The following ITSN1 variants were observed in gnomAD, a reference collection of about 807,000 sequenced individuals.
ITSN1 encodes intersectin 1.
A neutral mutation model predicts 239.8 loss-of-function variants in ITSN1; 58 were observed. The ratio of observed to expected loss-of-function variants is 0.24; its 90% CI spans 0.20 to 0.30. The LOEUF is 0.30. ITSN1 is among the 10% of genes least tolerant of loss of function. ITSN1 has a pLI of 1.00. For synonymous variants in ITSN1, 780 were observed against 770.8 expected (o/e 1.01, Z -0.20); for missense variants, 1,558 against 2,103.3 (o/e 0.74, Z 5.07).
intron 25 of ITSN1, among the ~76,000 whole-genome samples, chr21:33,825,977 C>T (rs1228842910): frequency 1.3e-5 from 2 of 152,092 alleles, no homozygotes; most frequent in Non-Finnish European, 1.5e-5. Context: ...AATTGGAATG[C>T]TTAATTTACT....
chr21:33,697,234 A>AT (rs11419453), intron 1 of ITSN1, among the ~76,000 whole-genome samples: 73,388 of 121,662 alleles, frequency 0.6, 23,043 homozygotes, highest in Middle Eastern at 0.71. Flanking sequence ...CACCTGGCTA[A>AT]TTTTTTTTTT....
chr21:33,759,764 A>G (rs1388619986), intron 8 of ITSN1, among the ~76,000 whole-genome samples: 2 of 152,184 alleles, frequency 1.3e-5, no homozygotes, highest in East Asian at 3.8e-4. Flanking sequence ...GCTCACTATT[A>G]ATAGTAGCCC....
intron 33 of ITSN1, among the ~76,000 whole-genome samples, chr21:33,874,156 CAAAAAAA>C (rs778588764): frequency 0.015 from 452 of 29,204 alleles, 4 homozygotes; most frequent in African/African-American, 0.042. Context: ...AACTCCGTCT[CAAAAAAA>C]AAAAAAAAAA....
intron 32 of ITSN1, among the ~76,000 whole-genome samples, chr21:33,866,619 A>G (rs1434121564): frequency 6.6e-6 from 1 of 152,116 alleles, no homozygotes; most frequent in Non-Finnish European, 1.5e-5. Flanking sequence ...GGAGACAGTT[A>G]TCAGGTCTCA....
chr21:33,798,274 T>C (rs2071716872), intron 18 of ITSN1, among the ~76,000 whole-genome samples: 2 of 151,960 alleles, frequency 1.3e-5, no homozygotes, highest in East Asian at 1.9e-4. Context: ...ATTTTTTTTT[T>C]TTTTGTAGAG....
chr21:33,812,266 A>G (rs1420988707), intron 21 of ITSN1, among the ~76,000 whole-genome samples: 1 of 152,230 alleles, frequency 6.6e-6, no homozygotes, highest in Non-Finnish European at 1.5e-5. Flanking sequence ...ATAGAAGACT[A>G]ATACCATATT....
chr21:33,666,255 A>G (rs1377529784), intron 1 of ITSN1, among the ~76,000 whole-genome samples: 4 of 152,184 alleles, frequency 2.6e-5, no homozygotes, highest in Non-Finnish European at 4.4e-5. Flanking sequence ...TATATGAAAT[A>G]CCCAGAATAG....
Position 33,896,283 on chromosome 21 carries a change from G to A in ITSN1, c.*7983G>A, listed in dbSNP as rs1986778078. 1 of 152,280 alleles carries A rather than the reference G, an allele frequency of 6.6e-6. No individual in the cohort carries two copies. The highest frequency in any genetic ancestry group is 1.5e-5 in the Non-Finnish European group (1 of 68,068). The allele number at this position is 152,280 out of a possible 1,614,324, so 9.4% of individuals were successfully genotyped here. On this transcript the variant is annotated 3_prime_UTR_variant, in exon 40 of 40. Coordinates refer to ENST00000381318, the MANE Select transcript of ITSN1 (RefSeq NM_003024.3). ...GCCACAGGGCGTCAAGCAGCTGTGA[G>A]CCTTTACCATTGAGCTCACTGCTTG... is the stretch of plus-strand genomic sequence containing the variant.
At chr21:33,861,160 G>A (rs574111886) in intron 31 of ITSN1, among the ~76,000 whole-genome samples, 1 of 152,302 alleles carries the variant, frequency 6.6e-6, no homozygotes, top group South Asian at 2.1e-4. Flanking sequence ...TGAAAGAATT[G>A]TAGAGTGAAC....
At chr21:33,658,886 T>G (rs939531705) in intron 1 of ITSN1, among the ~76,000 whole-genome samples, 9 of 152,334 alleles carry the variant, frequency 5.9e-5, no homozygotes, top group Non-Finnish European at 1.0e-4. Context: ...TGGAATTTCC[T>G]GAGTGGTGGG....
intron 10 of ITSN1, 34 bp from the exon 11 acceptor site, chr21:33,767,679 G>A (rs375683794): frequency 9.4e-6 from 12 of 1,273,272 alleles, no homozygotes; most frequent in Middle Eastern, 1.8e-4. Context: ...ACAGCTCTGT[G>A]TGAATCTATT....
chr21:33,684,986 A>G (rs1247216735), intron 1 of ITSN1, among the ~76,000 whole-genome samples: 4 of 152,194 alleles, frequency 2.6e-5, no homozygotes, highest in African/African-American at 7.2e-5. Context: ...AACATCTACA[A>G]AAGAAAGGAG....
chr21:33,690,999 C>T (rs1442893385), intron 1 of ITSN1, among the ~76,000 whole-genome samples: 2 of 151,288 alleles, frequency 1.3e-5, no homozygotes, highest in Non-Finnish European at 2.9e-5. Context: ...ACCTGGAAAG[C>T]AGCTGTGTGA....
chr21:33,878,809 A>G (rs1386164862), intron 34 of ITSN1, among the ~76,000 whole-genome samples: 1 of 152,250 alleles, frequency 6.6e-6, no homozygotes. Context: ...GTAACCACCC[A>G]TGTGCCACGG....
intron 1 of ITSN1, among the ~76,000 whole-genome samples, chr21:33,700,859 C>T (rs2091975379): frequency 6.6e-6 from 1 of 151,956 alleles, no homozygotes; most frequent in South Asian, 2.1e-4. Flanking sequence ...GTCTCTAGGT[C>T]ATTAAGCCTA....
chr21:33,672,952 C>G (rs2090384099), intron 1 of ITSN1, among the ~76,000 whole-genome samples: 1 of 152,126 alleles, frequency 6.6e-6, no homozygotes, highest in East Asian at 1.9e-4. Flanking sequence ...CCTCGTGATC[C>G]ACCTGCCTCG....
chr21:33,769,781 C>T (rs180718814), intron 11 of ITSN1, among the ~76,000 whole-genome samples: 6 of 151,812 alleles, frequency 4.0e-5, no homozygotes, highest in Non-Finnish European at 8.8e-5. Flanking sequence ...CTGCAGCCTC[C>T]GCCTCCTGGG....
chr21:33,891,330 C>T lies in ITSN1; in HGVS notation c.*3030C>T, dbSNP rs1009206323. ...ATAGCAGAGGAAAGAGCTCTGCTCC[C>T]AAAGAACATTCATGTAAGAGGAGGC... On this transcript the variant is annotated 3_prime_UTR_variant, in exon 40 of 40. Coordinates refer to ENST00000381318, the MANE Select transcript of ITSN1 (RefSeq NM_003024.3). 1 of 152,194 alleles carries T rather than the reference C, an allele frequency of 6.6e-6. No homozygotes were observed. 9.4% of individuals were successfully genotyped at this position (152,194 alleles called of 1,614,324 possible).
Position 33,755,384 on chromosome 21 carries a change from T to C in ITSN1, c.711T>C (p.Ser237=), listed in dbSNP as rs766460389. 22 of 1,565,206 alleles carry C rather than the reference T, an allele frequency of 1.4e-5. No individual in the cohort carries two copies. The highest frequency in any genetic ancestry group is 1.8e-5 in the Non-Finnish European group (21 of 1,139,414). The stretch of plus-strand genomic sequence containing the variant: ...TCAATAGTCATGACAAAACTATGAG[T>C]GGACACTTAACAGGTATTTACAAAT... The part of the protein sequence containing the change: ...QLFNSHDKTM[S]GHLTGPQART... The change falls in exon 8 of 40, where the codon AGT becomes AGC. Residue 237 remains serine, a synonymous_variant. Coordinates refer to ENST00000381318, the MANE Select transcript of ITSN1 (RefSeq NM_003024.3).
Sources: allele counts gnomAD v4.1 joint callset (sites outside exome capture counted in the v4.1 genomes callset), GRCh38; gene constraint gnomAD v4.1.1; transcripts MANE v1.5; gene names NCBI Gene and HGNC (gene_info 2026-07-23, HGNC 2026-07-21).